The following PPP2R2C variants were observed in gnomAD, a reference collection of about 807,000 sequenced individuals.
PPP2R2C encodes protein phosphatase 2, regulatory subunit B, gamma.
PPP2R2C carries 10 observed loss-of-function variants against 45.3 expected under a neutral mutation model. The ratio of observed to expected loss-of-function variants is 0.22; its 90% CI spans 0.14 to 0.37. The LOEUF is 0.37. Among genes scored for constraint, PPP2R2C ranks in the 10% least tolerant of loss-of-function variants. The probability of loss-of-function intolerance (pLI) is 1.00; values close to 1 mark genes in which losing one functional copy is unlikely to be tolerated. For missense variants in PPP2R2C, 308 were observed against 619.7 expected, an observed-to-expected ratio of 0.50 and a Z score of 5.34; for synonymous variants, 257 against 245.4, an observed-to-expected ratio of 1.05 and a Z score of -0.44.
intron 6 of PPP2R2C, 32 bp from the exon 7 acceptor site, chr4:6,333,763 G>A (rs750746305): frequency 1.2e-6 from 2 of 1,612,676 alleles, no homozygotes; most frequent in Admixed American, 3.3e-5. Flanking sequence ...GGCCGTCACT[G>A]CGCTGCTCCC....
chr4:6,375,684 G>A (rs574918807), intron 4 of PPP2R2C, 135 bp downstream of exon 4: 12 of 697,300 alleles, frequency 1.7e-5, no homozygotes, highest in Non-Finnish European at 2.5e-5. Context: ...GAAGACGCCC[G>A]TGGCCGCCCA....
Position 6,323,571 on chromosome 4 carries a change from T to C in PPP2R2C, c.1075A>G (p.Asn359Asp). ...SDSVIMTGAY[N>D]NFFRMFDRNT... ...CGATCGAACATGCGGAAGAAGTTGT[T>C]GTAGGCCCCGGTCATGATGACGCTG... is the stretch of plus-strand genomic sequence containing the variant. Residue 359 changes from asparagine to aspartate, a missense_variant, in exon 9 of 9, where the codon AAC (asparagine) becomes GAC (aspartate). Physicochemically the swap from Asn to Asp is conservative, Grantham distance 23. Coordinates refer to ENST00000382599, the MANE Select transcript of PPP2R2C (RefSeq NM_020416.4). 1 of 1,569,990 alleles carries C rather than the reference T, an allele frequency of 6.4e-7. No individual in the cohort carries two copies. The highest frequency in any genetic ancestry group is 8.7e-7 in the Non-Finnish European group (1 of 1,149,996).
intron 2 of PPP2R2C, among the ~76,000 whole-genome samples, chr4:6,503,623 C>A (rs1222119885): frequency 6.6e-6 from 1 of 152,056 alleles, no homozygotes; most frequent in Non-Finnish European, 1.5e-5. Context: ...TGTGTGAAGT[C>A]CCAGACACTG....
At chr4:6,489,283 A>AT (rs926064229) in intron 2 of PPP2R2C, among the ~76,000 whole-genome samples, 3 of 151,812 alleles carry the variant, frequency 2.0e-5, no homozygotes, top group African/African-American at 4.8e-5. Context: ...GTTTCATGCC[A>AT]TTTTTTTTAC....
chr4:6,442,905 G>C (rs1314554336), intron 1 of PPP2R2C, among the ~76,000 whole-genome samples: 3 of 152,206 alleles, frequency 2.0e-5, no homozygotes, highest in Non-Finnish European at 2.9e-5. Flanking sequence ...ATGAGTTCTG[G>C]GTCCCACAAG....
intron 1 of PPP2R2C, among the ~76,000 whole-genome samples, chr4:6,561,894 T>C (rs1412144065): frequency 1.3e-5 from 2 of 152,222 alleles, no homozygotes; most frequent in Non-Finnish European, 2.9e-5. Context: ...CATGTGGCAT[T>C]CACTCACTCA....
At chr4:6,444,526 GCCCAGGTGTAAATCT>G (rs1454366662) in intron 1 of PPP2R2C, among the ~76,000 whole-genome samples, 1 of 152,184 alleles carries the variant, frequency 6.6e-6, no homozygotes, top group Non-Finnish European at 1.5e-5. Context: ...TCCTCGCACA[GCCCAGGTGTAAATCT>G]CCCTGAGGTT....
At chr4:6,524,524 G>A (rs1724133014) in intron 2 of PPP2R2C, among the ~76,000 whole-genome samples, 2 of 152,244 alleles carry the variant, frequency 1.3e-5, no homozygotes, top group African/African-American at 4.8e-5. Context: ...TCTGCACCGT[G>A]ATCAGGCAGC....
chr4:6,554,638 G>A (rs1425025861), intron 1 of PPP2R2C, among the ~76,000 whole-genome samples: 1 of 152,070 alleles, frequency 6.6e-6, no homozygotes. Context: ...GGCAGGCAGA[G>A]TACTTGAGGT....
intron 1 of PPP2R2C, among the ~76,000 whole-genome samples, chr4:6,420,279 C>T (rs1193815093): frequency 6.6e-6 from 1 of 152,166 alleles, no homozygotes; most frequent in Admixed American, 6.5e-5. Flanking sequence ...AGTCCCACTG[C>T]CAATGTCTCC....
chr4:6,372,461 C>G, intron 5 of PPP2R2C, 62 bp downstream of exon 5: 1 of 1,551,842 alleles, frequency 6.4e-7, no homozygotes. Flanking sequence ...AAACCAAACC[C>G]ACCACCCAAC....
chr4:6,496,378 G>A (rs1432234811), intron 2 of PPP2R2C, among the ~76,000 whole-genome samples: 1 of 152,214 alleles, frequency 6.6e-6, no homozygotes, highest in African/African-American at 2.4e-5. Flanking sequence ...TTTACTGAGA[G>A]CTGATCTGTG....
At chr4:6,464,140 T>G (rs1721472583) in intron 1 of PPP2R2C, among the ~76,000 whole-genome samples, 1 of 152,172 alleles carries the variant, frequency 6.6e-6, no homozygotes, top group South Asian at 2.1e-4. Flanking sequence ...CAACATCAGG[T>G]CTGGGGCATC....
At chr4:6,383,888 G>C in intron 1 of PPP2R2C, 1 of 989,030 alleles carries the variant, frequency 1.0e-6, no homozygotes, top group Non-Finnish European at 1.2e-6. Flanking sequence ...CTCCTGGCCT[G>C]CCCTGGCCTT....
intron 1 of PPP2R2C, among the ~76,000 whole-genome samples, chr4:6,417,172 G>A (rs1718648249): frequency 6.6e-6 from 1 of 152,196 alleles, no homozygotes; most frequent in African/African-American, 2.4e-5. Context: ...CCTGGGCGGG[G>A]AGGGGGATGC....
Position 6,366,789 on chromosome 4 carries a change from G to C in PPP2R2C, c.625+5734C>G, listed in dbSNP as rs183634845. On this transcript the variant is annotated intron_variant, in intron 5 of 8. Coordinates refer to ENST00000382599, the MANE Select transcript of PPP2R2C (RefSeq NM_020416.4). ...GCCCCATGCCAGGGACCCAGCAGCT[G>C]AAGGAGTGAGCCAGTGTGACCCGAG... Among the ~76,000 whole-genome samples the C allele has an allele frequency of 4.0e-4, 61 of 152,294 alleles. 1 individual carries two copies. The East Asian group carries it at 0.011, about 27-fold the overall frequency.
chr4:6,350,547 A>T (rs11727834), intron 5 of PPP2R2C: 1 of 984,952 alleles, frequency 1.0e-6, no homozygotes, highest in Non-Finnish European at 1.2e-6. Context: ...TCATCAGGAC[A>T]CTCATTCTCG....
intron 1 of PPP2R2C, among the ~76,000 whole-genome samples, chr4:6,398,000 T>C (rs1373277012): frequency 1.3e-5 from 2 of 152,256 alleles, no homozygotes; most frequent in Non-Finnish European, 2.9e-5. Flanking sequence ...CACAAGTCTG[T>C]GGTGAACTCA....
At chr4:6,370,693 A>G (rs908363363) in intron 5 of PPP2R2C, among the ~76,000 whole-genome samples, 1 of 152,230 alleles carries the variant, frequency 6.6e-6, no homozygotes, top group Non-Finnish European at 1.5e-5. Flanking sequence ...CCAGAGAGCC[A>G]TCACCCACGA....
Sources: gnomAD v4.1 joint callset for allele counts (sites outside exome capture counted in the v4.1 genomes callset) on GRCh38, gnomAD v4.1.1 for gene constraint, MANE v1.5 for transcripts, NCBI Gene and HGNC (gene_info 2026-07-23, HGNC 2026-07-21) for gene names.